Variants in TMEM163 observed in about 807,000 individuals in gnomAD.
TMEM163 encodes the protein transmembrane protein 163.
A neutral mutation model predicts 29.3 loss-of-function variants in TMEM163; 17 were observed. That is an observed-to-expected ratio of 0.58 (90% CI 0.40 to 0.87). The LOEUF is 0.87. Ranked by LOEUF, TMEM163 falls within the 40% of genes least tolerant of loss-of-function variation. TMEM163 has a pLI of 0.00. For synonymous variants in TMEM163, 157 were observed against 160.6 expected (o/e 0.98, Z 0.17); for missense variants, 303 against 381.5 (o/e 0.79, Z 1.71).
chr2:134,575,523 C>T (rs1478916157), intron 2 of TMEM163, among the ~76,000 whole-genome samples: 1 of 152,156 alleles, frequency 6.6e-6, no homozygotes, highest in Non-Finnish European at 1.5e-5. Context: ...GAGAGGCACA[C>T]ACACAGGGTT....
chr2:134,579,860 G>A (rs1234454841), intron 2 of TMEM163, among the ~76,000 whole-genome samples: 2 of 152,132 alleles, frequency 1.3e-5, no homozygotes, highest in African/African-American at 4.8e-5. Context: ...TGGGTATTTC[G>A]TGCTGAAAAC....
At chr2:134,520,429 A>T (rs1680168251) in intron 4 of TMEM163, among the ~76,000 whole-genome samples, 1 of 152,184 alleles carries the variant, frequency 6.6e-6, no homozygotes, top group South Asian at 2.1e-4. Flanking sequence ...AGCACCAGCA[A>T]CCTAGCAGGG....
At chr2:134,601,092 T>C (rs1256150539) in intron 2 of TMEM163, among the ~76,000 whole-genome samples, 1 of 152,102 alleles carries the variant, frequency 6.6e-6, no homozygotes, top group Admixed American at 6.5e-5. Flanking sequence ...AGTATATCTA[T>C]TGTCTAGTTA....
At chr2:134,639,256 T>G (rs1355002972) in intron 2 of TMEM163, among the ~76,000 whole-genome samples, 1 of 152,200 alleles carries the variant, frequency 6.6e-6, no homozygotes, top group Non-Finnish European at 1.5e-5. Flanking sequence ...GAAGACTGTT[T>G]GGCATTCGTA....
At chr2:134,595,500 T>C (rs1682056351) in intron 2 of TMEM163, among the ~76,000 whole-genome samples, 1 of 152,226 alleles carries the variant, frequency 6.6e-6, no homozygotes, top group Non-Finnish European at 1.5e-5. Context: ...CACATTTTCT[T>C]AATCCAGTCT....
chr2:134,648,339 T>TCTCTTCTCTTCTCTTCTCTG, intron 2 of TMEM163, among the ~76,000 whole-genome samples: 1 of 151,156 alleles, frequency 6.6e-6, no homozygotes, highest in Non-Finnish European at 1.5e-5. Flanking sequence ...TCTCTTCTCT[T>TCTCTTCTCTTCTCTTCTCTG]CTCTTCTCTG....
chr2:134,523,395 G>A (rs951747054), intron 4 of TMEM163, among the ~76,000 whole-genome samples: 2 of 152,122 alleles, frequency 1.3e-5, no homozygotes. Flanking sequence ...GCTGAGGTGC[G>A]GTACTCAGTT....
At chr2:134,669,619 T>A (rs1335233767) in intron 2 of TMEM163, among the ~76,000 whole-genome samples, 3 of 152,198 alleles carry the variant, frequency 2.0e-5, no homozygotes, top group Non-Finnish European at 4.4e-5. Flanking sequence ...TGACAGTGGG[T>A]CTGGTTTCCC....
chr2:134,595,320 T>A (rs1393756247), intron 2 of TMEM163, among the ~76,000 whole-genome samples: 1 of 152,016 alleles, frequency 6.6e-6, no homozygotes, highest in Admixed American at 6.6e-5. Context: ...TGTGTCCAAG[T>A]GTTCTCATTG....
rs747351960 is a variant in TMEM163, at chr2:134,456,780, C to A, written c.810-4G>T. The A allele has an allele frequency of 9.3e-6, 15 of 1,613,192 alleles. No homozygotes were observed. In the African/African-American group the frequency reaches 2.0e-4, roughly 22 times the overall value. On this transcript the variant is annotated splice_region_variant and splice_polypyrimidine_tract_variant and intron_variant, in intron 7 of 7. Coordinates refer to ENST00000281924, the MANE Select transcript of TMEM163 (RefSeq NM_030923.5). ...CGGCACCATGTCGATGAGGAGTCTG[C>A]AAAGACGAAGACAGACAAGGTCACC...
chr2:134,652,581 T>C (rs1457420037), intron 2 of TMEM163, among the ~76,000 whole-genome samples: 2 of 114,052 alleles, frequency 1.8e-5, no homozygotes, highest in East Asian at 2.2e-4. Context: ...TCCAACACTA[T>C]GTTGAATAGG....
Position 134,507,336 on chromosome 2 carries a change from C to CTAAATAAA in TMEM163, c.459-4347_459-4340dup, listed in dbSNP as rs111595849. Among the ~76,000 whole-genome samples the CTAAATAAA allele has an allele frequency of 6.3e-3, 941 of 149,036 alleles. 9 individuals carry two copies. The highest frequency in any genetic ancestry group is 0.02 in the Middle Eastern group (6 of 294). On this transcript the variant is annotated intron_variant, in intron 4 of 7. Coordinates refer to ENST00000281924, the MANE Select transcript of TMEM163 (RefSeq NM_030923.5). ...GGGCAACAAGAGCGAAACTCTACCT[C>CTAAATAAA]TAAATAAATAAATAAATAAATAAAT...
At chr2:134,470,615 G>T (rs1247972719) in intron 5 of TMEM163, among the ~76,000 whole-genome samples, 1 of 152,160 alleles carries the variant, frequency 6.6e-6, no homozygotes, top group Non-Finnish European at 1.5e-5. Flanking sequence ...AAAGCTGCAG[G>T]CTGCAGCTCA....
intron 6 of TMEM163, among the ~76,000 whole-genome samples, chr2:134,459,889 G>A (rs1686494156): frequency 1.3e-5 from 2 of 151,864 alleles, no homozygotes; most frequent in Admixed American, 1.3e-4. Flanking sequence ...CCTGACCTTT[G>A]ACCTCAGGCA....
intron 2 of TMEM163, among the ~76,000 whole-genome samples, chr2:134,644,966 C>T (rs952761132): frequency 1.3e-5 from 2 of 152,066 alleles, no homozygotes; most frequent in African/African-American, 2.4e-5. Context: ...CCTTGAAAAG[C>T]CACATTACTA....
At chr2:134,713,435 T>C (rs530490374) in intron 1 of TMEM163, 116 bp from the exon 2 acceptor site, 2 of 1,434,246 alleles carry the variant, frequency 1.4e-6, no homozygotes, top group East Asian at 4.5e-5. Flanking sequence ...CCAAGACGTG[T>C]TTTGTTTGGC....
At chr2:134,709,289 T>C (rs932559940) in intron 2 of TMEM163, among the ~76,000 whole-genome samples, 1 of 152,250 alleles carries the variant, frequency 6.6e-6, no homozygotes, top group African/African-American at 2.4e-5. Flanking sequence ...ATATTCAAGA[T>C]GTATTACCAT....
At chr2:134,501,148 T>G (rs1340671641) in intron 5 of TMEM163, among the ~76,000 whole-genome samples, 4 of 152,154 alleles carry the variant, frequency 2.6e-5, no homozygotes, top group Admixed American at 6.5e-5. Context: ...ATAAGTAAAT[T>G]AAATGTTTAC....
At chr2:134,468,007 G>C (rs1439094683) in intron 5 of TMEM163, 1 of 152,330 alleles carries the variant, frequency 6.6e-6, no homozygotes, top group African/African-American at 2.4e-5. Flanking sequence ...CTATGCAGAG[G>C]TTACACAGCA....
Sources: allele counts gnomAD v4.1 joint callset (sites outside exome capture counted in the v4.1 genomes callset), GRCh38; gene constraint gnomAD v4.1.1; transcripts MANE v1.5; gene names NCBI Gene and HGNC (gene_info 2026-07-23, HGNC 2026-07-21).